The following TRIM10 variants were observed in gnomAD, a reference collection of about 807,000 sequenced individuals.
TRIM10 encodes the protein tripartite motif containing 10.
In TRIM10, 42 loss-of-function variants were observed where a neutral mutation model predicts 40.0. That is an observed-to-expected ratio of 1.05 (90% CI 0.82 to 1.36). The LOEUF (loss-of-function observed/expected upper bound fraction) is 1.36, where lower values mean the gene tolerates loss of function less well. Ranked by LOEUF, TRIM10 falls within the 40% of genes most tolerant of loss-of-function variation. The pLI is 0.00. For missense variants in TRIM10, 601 were observed against 608.3 expected, an observed-to-expected ratio of 0.99 and a Z score of 0.13; for synonymous variants, 260 against 239.5, an observed-to-expected ratio of 1.09 and a Z score of -0.79.
At position 30,160,892 on chromosome 6, in the gene TRIM10, C is replaced by A. The variant is rs746597152; in HGVS notation, c.-34G>T. The A allele has an allele frequency of 3.2e-6, 5 of 1,555,994 alleles. No homozygotes were observed. Among genetic ancestry groups the A allele is most frequent in the Non-Finnish European group, 4.3e-6 (5 of 1,154,884 alleles). On this transcript the variant is annotated 5_prime_UTR_variant, in exon 1 of 7. Coordinates refer to ENST00000449742, the MANE Select transcript of TRIM10 (RefSeq NM_006778.4). ...TGCTGCTATGGCTTCCTCAAGGCCA[C>A]TCTCTCTGCTTGGCCACGGGGGAAG...
rs949730964 is a variant in TRIM10, at chr6:30,153,563, G to A, written c.*406C>T. On this transcript the variant is annotated 3_prime_UTR_variant, in exon 7 of 7. Transcript: ENST00000449742. ...ATGGTTCTAGAGAATGTGATTACATGAACTCTAACATTATTGGAAGAAAAC... is the reference window on the plus strand; with the variant it reads ...ATGGTTCTAGAGAATGTGATTACATAAACTCTAACATTATTGGAAGAAAAC... The A allele has an allele frequency of 2.0e-5, 17 of 842,222 alleles. No homozygotes were observed. In the African/African-American group the frequency reaches 2.5e-4, roughly 13 times the overall value. The allele number at this position is 842,222 out of a possible 1,614,324, so 52.2% of individuals were successfully genotyped here. A position where few individuals can be genotyped will look rare whatever the true frequency, so the allele number is the denominator to read the frequency against.
chr6:30,160,993 C>T lies in TRIM10; in HGVS notation c.-135G>A, dbSNP rs761111857. 6 of 826,154 alleles carry T rather than the reference C, an allele frequency of 7.3e-6. No individual in the cohort carries two copies. Among genetic ancestry groups the T allele is most frequent in the Non-Finnish European group, 1.1e-5 (6 of 543,134 alleles). 51.2% of individuals were successfully genotyped at this position (826,154 alleles called of 1,614,324 possible). On this transcript the variant is annotated 5_prime_UTR_variant, in exon 1 of 7. The change abolishes an upstream ATG in the 5' untranslated region. Transcript: ENST00000449742. The stretch of plus-strand genomic sequence containing the variant: ...CACATACTAAATATGCACCAGCACC[C>T]ATATCGTCACACACTTGCATCTCTG...
In TRIM10 at chr6:30,155,786, A is replaced by C. The variant is rs369607797; in HGVS notation, c.896-27T>G. 2.9e-5 allele frequency: 47 copies of C among 1,609,770 alleles called. No individual in the cohort carries two copies. The African/African-American group carries it at 3.1e-4, about 11-fold the overall frequency. On this transcript the variant is annotated intron_variant, in intron 5 of 6. Transcript: ENST00000449742. ...TGTAAAGAAAATAAACCAGGATGAG[A>C]TTTTATTAGTCTTACAAAACCATCA...
At chr6:30,163,883 G>A (rs773212945), upstream of TRIM10, 1 of 1,612,994 alleles carries the variant, frequency 6.2e-7, no homozygotes, top group East Asian at 2.2e-5. Context: ...GGAGCAGGCA[G>A]AGACTCCCAT....
At chr6:30,162,956 A>G (rs1325820740), upstream of TRIM10, among the ~76,000 whole-genome samples, 3 of 151,172 alleles carry the variant, frequency 2.0e-5, no homozygotes, top group Admixed American at 2.0e-4. Flanking sequence ...ATAAATAAAT[A>G]AATAAATAAA....
rs778561415 is a variant in TRIM10 at position 30,154,259 on chromosome 6, C to T, written c.1156G>A (p.Glu386Lys). ...AGCTCCCCCTTCCGCTGCACATCCT[C>T]GCTCACCACGCCCACGGTGCAGCTG... The part of the protein sequence containing the change: ...GGSCTVGVVS[E>K]DVQRKGELRL... Residue 386 changes from glutamate (E) to lysine (K), a missense_variant, in exon 7 of 7, where the codon GAG becomes AAG. Physicochemically the swap from Glu to Lys is moderately conservative, Grantham distance 56 (BLOSUM62 1). Coordinates refer to ENST00000449742, the MANE Select transcript of TRIM10 (RefSeq NM_006778.4). The T allele has an allele frequency of 2.5e-5, 40 of 1,613,054 alleles. No homozygotes were observed. The highest frequency in any genetic ancestry group is 3.2e-5 in the Non-Finnish European group (38 of 1,180,016).
At chr6:30,155,460 T>G (rs191908208) in intron 6 of TRIM10, among the ~76,000 whole-genome samples, 1 of 152,236 alleles carries the variant, frequency 6.6e-6, no homozygotes, top group Non-Finnish European at 1.5e-5. Flanking sequence ...GAATGTAGTA[T>G]GTGTATGTGC....
At chr6:30,158,916 C>T (rs562770541) in intron 2 of TRIM10, among the ~76,000 whole-genome samples, 44 of 152,320 alleles carry the variant, frequency 2.9e-4, no homozygotes, top group African/African-American at 7.9e-4. Flanking sequence ...ACTTTACAGT[C>T]ACAATCTCAT....
intron 3 of TRIM10, among the ~76,000 whole-genome samples, chr6:30,157,938 G>A (rs1187569157): frequency 1.3e-5 from 2 of 152,062 alleles, no homozygotes; most frequent in Non-Finnish European, 2.9e-5. Flanking sequence ...AGTCCTAAGA[G>A]CATCATTCTA....
At chr6:30,159,698 G>C (rs1772897676) in intron 1 of TRIM10, among the ~76,000 whole-genome samples, 1 of 152,166 alleles carries the variant, frequency 6.6e-6, no homozygotes, top group South Asian at 2.1e-4. Context: ...GAGGGGAGAA[G>C]AAACTTGGGT....
At chr6:30,154,868 A>T (rs1283187809) in intron 6 of TRIM10, among the ~76,000 whole-genome samples, 1 of 152,002 alleles carries the variant, frequency 6.6e-6, no homozygotes. Context: ...CCCTCCTCCC[A>T]TCTCTATCCC....
upstream of TRIM10, among the ~76,000 whole-genome samples, chr6:30,162,116 A>C (rs1001514069): frequency 2.0e-5 from 3 of 152,084 alleles, no homozygotes; most frequent in Non-Finnish European, 2.9e-5. Flanking sequence ...TCTACTAAAA[A>C]TACAAAAAAA....
At chr6:30,158,701 G>A (rs1199197545) in intron 2 of TRIM10, 72 bp from the exon 3 acceptor site, 2 of 1,216,044 alleles carry the variant, frequency 1.6e-6, no homozygotes, top group African/African-American at 3.0e-5. Flanking sequence ...TTCCTCCCCT[G>A]TCCCCAGGTA....
At position 30,160,162 on chromosome 6, in the gene TRIM10, C is replaced by T. The variant is rs145407508; in HGVS notation, c.429+268G>A. On this transcript the variant is annotated intron_variant, in intron 1 of 6. Transcript: ENST00000449742. ...CTTCAGACACACCTGATCCATGGCACAGACACACACACTCATGTTTGGTCA... is the reference window on the plus strand; with the variant it reads ...CTTCAGACACACCTGATCCATGGCATAGACACACACACTCATGTTTGGTCA... Among the ~76,000 whole-genome samples the T allele has an allele frequency of 4.2e-3, 647 of 152,290 alleles. 2 individuals are homozygous for T. Among genetic ancestry groups the T allele is most frequent in the African/African-American group, 0.011 (453 of 41,554 alleles).
chr6:30,155,474 T>C (rs1198517396), intron 6 of TRIM10, among the ~76,000 whole-genome samples: 2 of 152,164 alleles, frequency 1.3e-5, no homozygotes, highest in East Asian at 1.9e-4. Flanking sequence ...TATGTGCTTG[T>C]CCTTTCTTCA....
intron 1 of TRIM10, among the ~76,000 whole-genome samples, chr6:30,160,028 A>G (rs1573296): frequency 0.062 from 9,369 of 152,308 alleles, 474 homozygotes; most frequent in Non-Finnish European, 0.11. Context: ...TTACACACTC[A>G]AATATATACA....
upstream of TRIM10, chr6:30,163,786 C>A: frequency 6.2e-7 from 1 of 1,612,982 alleles, no homozygotes; most frequent in Non-Finnish European, 8.5e-7. Flanking sequence ...GTGGACACAC[C>A]TTCTGCCGGC....
intron 5 of TRIM10, 78 bp from the exon 6 acceptor site, chr6:30,155,837 G>A (rs1772482777): frequency 7.2e-7 from 1 of 1,392,998 alleles, no homozygotes. Flanking sequence ...GAAAACTGAG[G>A]CCAAGAAGAG....
At chr6:30,156,799 A>T (rs1772569590) in intron 5 of TRIM10, 140 bp downstream of exon 5, 12 of 749,962 alleles carry the variant, frequency 1.6e-5, no homozygotes, top group Non-Finnish European at 2.6e-5. Context: ...TTTTATAAAA[A>T]TCTGCAAATA....
Sources: gnomAD v4.1 joint callset for allele counts (sites outside exome capture counted in the v4.1 genomes callset) on GRCh38, gnomAD v4.1.1 for gene constraint, MANE v1.5 for transcripts, NCBI Gene and HGNC (gene_info 2026-07-23, HGNC 2026-07-21) for gene names.